The following ENTPD1 variants were observed in gnomAD, a reference collection of about 807,000 sequenced individuals.
ENTPD1 encodes ATP diphosphohydrolase.
A neutral mutation model predicts 57.0 loss-of-function variants in ENTPD1; 33 were observed. The ratio of observed to expected loss-of-function variants is 0.58; its 90% confidence interval spans 0.44 to 0.77. The LOEUF is 0.77. ENTPD1 is among the 30% of genes least tolerant of loss of function. The probability of loss-of-function intolerance (pLI) is 0.00; values close to 1 mark genes in which losing one functional copy is unlikely to be tolerated. For missense variants in ENTPD1, 501 were observed against 603.4 expected (o/e 0.83, Z 1.78); for synonymous variants, 202 against 218.8 (o/e 0.92, Z 0.68).
chr10:95,837,155 C>G (rs779983043), intron 2 of ENTPD1, among the ~76,000 whole-genome samples: 1 of 152,214 alleles, frequency 6.6e-6, no homozygotes, highest in Non-Finnish European at 1.5e-5. Context: ...CTGACAGAAG[C>G]AAGCCTGGTT....
intron 6 of ENTPD1, among the ~76,000 whole-genome samples, chr10:95,846,826 A>G (rs903803244): frequency 1.3e-5 from 2 of 151,970 alleles, no homozygotes; most frequent in African/African-American, 2.4e-5. Flanking sequence ...CGTCTCTACT[A>G]AAAATACAAA....
At chr10:95,698,062 T>C in the ENTPD1 span, among the ~76,000 whole-genome samples, 3 of 152,150 alleles carry the variant, frequency 2.0e-5, no homozygotes, top group Non-Finnish European at 2.9e-5. Context: ...ATTTGTTAAA[T>C]GATTGTAACC....
chr10:95,754,887 A>G (rs1213813453), upstream of ENTPD1: 1 of 152,242 alleles, frequency 6.6e-6, no homozygotes, highest in African/African-American at 2.4e-5. Context: ...TGCCTAAACT[A>G]AAAGGTTATC....
At chr10:95,758,093 A>T (rs1282908733) in intron 1 of ENTPD1, among the ~76,000 whole-genome samples, 1 of 149,964 alleles carries the variant, frequency 6.7e-6, no homozygotes, top group Non-Finnish European at 1.5e-5. Flanking sequence ...GAGCAGACCC[A>T]GTCATCTCTG....
At position 95,800,831 on chromosome 10, in the gene ENTPD1, C is replaced by T. The variant is rs564059466; in HGVS notation, c.17-22406C>T. On this transcript the variant is annotated intron_variant, in intron 1 of 9. Coordinates refer to ENST00000371205, the MANE Select transcript of ENTPD1 (RefSeq NM_001776.6). ...TGTTATTCTGTTATTTTTCAGGGTG[C>T]ACTGATTTTATATTGTTTAAACACA... 7.2e-5 allele frequency among the ~76,000 whole-genome samples: 11 copies of T among 152,238 alleles called. 1 individual carries two copies. The South Asian group carries it at 2.3e-3, about 32-fold the overall frequency.
chr10:95,814,403 G>A (rs1392415514), intron 1 of ENTPD1, among the ~76,000 whole-genome samples: 1 of 151,562 alleles, frequency 6.6e-6, no homozygotes, highest in Non-Finnish European at 1.5e-5. Context: ...TGATTTTTGC[G>A]ATCATTAACA....
intron 7 of ENTPD1, among the ~76,000 whole-genome samples, chr10:95,853,090 AT>A (rs1432841684): frequency 3.3e-5 from 5 of 152,046 alleles, no homozygotes; most frequent in African/African-American, 1.2e-4. Context: ...ATTTGTTTGT[AT>A]CCTCTTTTAT....
the ENTPD1 span, among the ~76,000 whole-genome samples, chr10:95,706,771 T>A: frequency 6.6e-6 from 1 of 152,112 alleles, no homozygotes; most frequent in Non-Finnish European, 1.5e-5. Context: ...CCCACTCTGG[T>A]GTGTGGGACT....
At chr10:95,709,626 C>T (rs566443154), upstream of ENTPD1, among the ~76,000 whole-genome samples, 9 of 152,250 alleles carry the variant, frequency 5.9e-5, 1 homozygote, top group East Asian at 7.7e-4. Context: ...TCAGGCAATC[C>T]GCCGGCCTTG....
chr10:95,795,435 A>ATTC (rs2098222389), intron 1 of ENTPD1, among the ~76,000 whole-genome samples: 1 of 152,188 alleles, frequency 6.6e-6, no homozygotes, highest in African/African-American at 2.4e-5. Context: ...TTTGGGCACA[A>ATTC]TAGGTTTAAG....
At position 95,803,045 on chromosome 10, in the gene ENTPD1, T is replaced by G. The variant is rs1283123289; in HGVS notation, c.17-20192T>G. Among the ~76,000 whole-genome samples, 2 of 152,186 alleles carry G rather than the reference T, an allele frequency of 1.3e-5. 1 individual carries two copies. The highest frequency in any genetic ancestry group is 3.8e-4 in the East Asian group (2 of 5,200). On this transcript the variant is annotated intron_variant, in intron 1 of 9. Transcript: ENST00000371205. ...GGATTGCCTTGGTTATCTGGGCTCT[T>G]TCTTGGTTCCATATGAATTTTAAAA...
chr10:95,704,432 T>G, the ENTPD1 span, among the ~76,000 whole-genome samples: 1 of 152,160 alleles, frequency 6.6e-6, no homozygotes, highest in Non-Finnish European at 1.5e-5. Context: ...TGGTATCGCT[T>G]TGGCTCCAAG....
chr10:95,833,694 A>C (rs1400285399), intron 2 of ENTPD1: 1 of 152,650 alleles, frequency 6.6e-6, no homozygotes, highest in Admixed American at 6.5e-5. Flanking sequence ...AAAGAACAGA[A>C]ATTACTTTTC....
At chr10:95,748,306 A>T (rs1566101678) in intron 1 of ENTPD1, among the ~76,000 whole-genome samples, 1 of 152,256 alleles carries the variant, frequency 6.6e-6, no homozygotes, top group East Asian at 1.9e-4. Flanking sequence ...GGAAATATTC[A>T]GTTACATTTC....
chr10:95,814,407 A>G (rs1334303338), intron 1 of ENTPD1, among the ~76,000 whole-genome samples: 2 of 152,220 alleles, frequency 1.3e-5, no homozygotes, highest in African/African-American at 4.8e-5. Context: ...TTTTGCGATC[A>G]TTAACATTTT....
exon 1 of ENTPD1, chr10:95,711,973 A>T: frequency 6.2e-7 from 1 of 1,609,812 alleles, no homozygotes; most frequent in Non-Finnish European, 8.5e-7. Flanking sequence ...GGAACCAAGG[A>T]CCTGACAAGC....
At chr10:95,757,951 G>A (rs1196093409) in intron 1 of ENTPD1, among the ~76,000 whole-genome samples, 1 of 143,362 alleles carries the variant, frequency 7.0e-6, no homozygotes, top group Non-Finnish European at 1.5e-5. Flanking sequence ...GTTGCAGTGA[G>A]CTGAGGTTGC....
At chr10:95,695,850 T>G in the ENTPD1 span, among the ~76,000 whole-genome samples, 2 of 152,200 alleles carry the variant, frequency 1.3e-5, no homozygotes, top group Non-Finnish European at 1.5e-5. Flanking sequence ...ATTGTTTTGT[T>G]GAACTCTTTA....
intron 1 of ENTPD1, among the ~76,000 whole-genome samples, chr10:95,712,773 G>A (rs990082333): frequency 2.0e-5 from 3 of 152,160 alleles, no homozygotes; most frequent in Non-Finnish European, 2.9e-5. Flanking sequence ...TGTGGCTCCC[G>A]CCTGTAATCC....
Sources: gnomAD v4.1 joint callset for allele counts (sites outside exome capture counted in the v4.1 genomes callset) on GRCh38, gnomAD v4.1.1 for gene constraint, MANE v1.5 for transcripts, NCBI Gene and HGNC (gene_info 2026-07-23, HGNC 2026-07-21) for gene names.